The following MYH14 variants were observed in gnomAD, a reference collection of about 807,000 sequenced individuals.
MYH14 encodes myosin-14.
MYH14 carries 123 observed loss-of-function variants against 255.5 expected under a neutral mutation model. That is an observed-to-expected ratio of 0.48 (90% CI 0.42 to 0.56). The LOEUF is 0.56. MYH14 is among the 20% of genes least tolerant of loss of function. The pLI is 0.00. For synonymous variants in MYH14, 1,095 were observed against 1,161.2 expected (o/e 0.94, Z 1.16); for missense variants, 2,423 against 2,802.3 (o/e 0.86, Z 3.06).
At position 50,276,985 on chromosome 19, in the gene MYH14, G is replaced by A. The variant is rs2035535542; in HGVS notation, c.3825+84G>A. ...GGGTTGGAGGAGGTACCGCTGGCTGGTTCTAGGCTAGCTCATCTCCCTGGG... is the reference window on the plus strand; with the variant it reads ...GGGTTGGAGGAGGTACCGCTGGCTGATTCTAGGCTAGCTCATCTCCCTGGG... On this transcript the variant is annotated intron_variant, in intron 29 of 42. Transcript: ENST00000642316. This position sits in a 1 kb window ranked among gnomAD's most constrained non-coding sequence, Gnocchi z 4.3. 6.5e-6 allele frequency: 7 copies of A among 1,073,030 alleles called. No homozygotes were observed. In the African/African-American group the frequency reaches 1.1e-4, roughly 17 times the overall value. 66.5% of individuals were successfully genotyped at this position (1,073,030 alleles called of 1,614,324 possible). A position where few individuals can be genotyped will look rare whatever the true frequency, so the allele number is the denominator to read the frequency against.
chr19:50,215,758 G>A (rs941823761), intron 2 of MYH14, among the ~76,000 whole-genome samples: 12 of 152,166 alleles, frequency 7.9e-5, no homozygotes. Flanking sequence ...GGTAGAGGCT[G>A]CAGTGAGCTG....
rs1601043116 is a variant in MYH14 at position 50,293,059 on chromosome 19, G to T, written c.5257-174G>T. 6.6e-6 allele frequency among the ~76,000 whole-genome samples: 1 copy of T among 152,106 alleles called. No homozygotes were observed. Among genetic ancestry groups the T allele is most frequent in the South Asian group, 2.1e-4 (1 of 4,814 alleles). The stretch of plus-strand genomic sequence containing the variant: ...TGCAAGAGGTGAGCACAGGTCAGGG[G>T]CTCAGGAGACAGATTTAGGAGACAT... On this transcript the variant is annotated intron_variant, in intron 37 of 42. Transcript: ENST00000642316. This position sits in a 1 kb window ranked among gnomAD's most constrained non-coding sequence, Gnocchi z 4.1.
At position 50,230,491 on chromosome 19, in the gene MYH14, C is replaced by T. The variant is rs916520079; in HGVS notation, c.875-34C>T. On this transcript the variant is annotated intron_variant, in intron 8 of 42. Transcript: ENST00000642316. This position sits in a 1 kb window ranked among gnomAD's most constrained non-coding sequence, Gnocchi z 4.7. ...TGGCCTGGCAGCGTCGGGGCCGTCC[C>T]TTCCCCTCTAGCACCTTGACTCGCT... is the stretch of plus-strand genomic sequence containing the variant. 8.4e-6 allele frequency: 13 copies of T among 1,543,048 alleles called. No homozygotes were observed. The highest frequency in any genetic ancestry group is 1.4e-5 in the African/African-American group (1 of 72,998).
At position 50,260,808 on chromosome 19, in the gene MYH14, TGC is replaced by T. The variant is rs1190098066; in HGVS notation, c.2424+95_2424+96del. The T allele has an allele frequency of 1.1e-5, 10 of 900,850 alleles. No homozygotes were observed. The African/African-American group carries it at 2.0e-4, about 18-fold the overall frequency. The allele number at this position is 900,850 out of a possible 1,614,324, so 55.8% of individuals were successfully genotyped here. On this transcript the variant is annotated intron_variant, in intron 20 of 42. Transcript: ENST00000642316. ...GTGTGTGTGCATGCATATGTGTGCA[TGC>T]GTGTGTGTGCAAGTGTGTGTGCATG...
intron 16 of MYH14, 38 bp from the exon 17 acceptor site, chr19:50,255,182 C>T: frequency 7.3e-7 from 1 of 1,365,468 alleles, no homozygotes; most frequent in Non-Finnish European, 1.0e-6. Flanking sequence ...TCTGCCATCT[C>T]CCCTCCACCC....
At chr19:50,285,488 CT>C (rs1568539510) in intron 33 of MYH14, 1 of 152,138 alleles carries the variant, frequency 6.6e-6, no homozygotes, top group African/African-American at 2.4e-5. Context: ...GGTTTTATGG[CT>C]ATTTTAAGTG....
intron 10 of MYH14, among the ~76,000 whole-genome samples, chr19:50,241,532 G>A (rs779201991): frequency 2.0e-5 from 3 of 152,140 alleles, no homozygotes; most frequent in Non-Finnish European, 2.9e-5. Flanking sequence ...TGCTGTCAGG[G>A]GAGAGTGTTC....
chr19:50,286,096 C>T (rs940020672), intron 33 of MYH14: 1 of 162,338 alleles, frequency 6.2e-6, no homozygotes, highest in African/African-American at 2.4e-5. Context: ...TTTCTCTTAA[C>T]TATGAGTTCT....
chr19:50,308,746 G>T, intron 41 of MYH14: 1 of 452,670 alleles, frequency 2.2e-6, no homozygotes, highest in Non-Finnish European at 3.9e-6. Context: ...ATTGTGAGCA[G>T]GAGGGTCTGG....
intron 34 of MYH14, among the ~76,000 whole-genome samples, chr19:50,287,136 G>C (rs1044675225): frequency 3.9e-5 from 6 of 152,106 alleles, no homozygotes; most frequent in African/African-American, 1.4e-4. Context: ...GAGAACAAGA[G>C]GGGGACTGTT....
intron 9 of MYH14, 88 bp from the exon 10 acceptor site, chr19:50,231,842 C>G: frequency 6.4e-7 from 1 of 1,554,562 alleles, no homozygotes; most frequent in Non-Finnish European, 8.8e-7. Flanking sequence ...GAGGATATGG[C>G]ATGTCCTGGG....
At chr19:50,282,159 A>C (rs1413465269) in intron 33 of MYH14, among the ~76,000 whole-genome samples, 1 of 152,166 alleles carries the variant, frequency 6.6e-6, no homozygotes, top group Non-Finnish European at 1.5e-5. Context: ...CAAATAACTC[A>C]TCTCACTTCT....
chr19:50,300,610 G>A (rs2036447353), intron 39 of MYH14, among the ~76,000 whole-genome samples: 1 of 152,126 alleles, frequency 6.6e-6, no homozygotes, highest in Non-Finnish European at 1.5e-5. Flanking sequence ...TTAGCCAGTT[G>A]TGGTGGCAGG....
In MYH14 at chr19:50,223,070, C is replaced by G. The variant is rs2032916867; in HGVS notation, c.563-13C>G. ...CTCTCAGATGACATATTCCCCCACT[C>G]TGTCCCCTACAGATCGTGAGGACCA... On this transcript the variant is annotated splice_polypyrimidine_tract_variant and intron_variant, in intron 3 of 42. Transcript: ENST00000642316. The G allele has an allele frequency of 6.2e-7, 1 of 1,612,496 alleles. No homozygotes were observed. The highest frequency in any genetic ancestry group is 1.3e-5 in the African/African-American group (1 of 74,934).
At chr19:50,304,990 G>T (rs746378342) in intron 40 of MYH14, among the ~76,000 whole-genome samples, 1 of 152,088 alleles carries the variant, frequency 6.6e-6, no homozygotes, top group Non-Finnish European at 1.5e-5. Context: ...CCAGGAGAGG[G>T]ATCAGGGAGA....
intron 1 of MYH14, among the ~76,000 whole-genome samples, chr19:50,207,308 AGAGAG>A (rs2031854933): frequency 6.7e-6 from 1 of 149,960 alleles, no homozygotes; most frequent in Non-Finnish European, 1.5e-5. Context: ...AGAGAGAGAG[AGAGAG>A]ACTAGGGGCA....
chr19:50,296,770 G>T (rs765913971), intron 39 of MYH14, among the ~76,000 whole-genome samples: 11 of 152,240 alleles, frequency 7.2e-5, no homozygotes, highest in Admixed American at 6.5e-4. Flanking sequence ...AGAAGTCAAC[G>T]TGAAGAGCCT....
At chr19:50,306,053 C>T (rs760864285) in intron 40 of MYH14, among the ~76,000 whole-genome samples, 2 of 152,092 alleles carry the variant, frequency 1.3e-5, no homozygotes, top group Non-Finnish European at 2.9e-5. Flanking sequence ...CCGAGGCGGG[C>T]GGATCATCTG....
At chr19:50,270,597 T>C (rs866735220) in intron 24 of MYH14, among the ~76,000 whole-genome samples, 1 of 151,728 alleles carries the variant, frequency 6.6e-6, no homozygotes, top group African/African-American at 2.4e-5. Context: ...AAATTGAGTC[T>C]TGATTTCCAG....
Sources: allele counts gnomAD v4.1 joint callset (sites outside exome capture counted in the v4.1 genomes callset), GRCh38; gene constraint gnomAD v4.1.1; non-coding constraint Gnocchi (gnomAD v3.1); transcripts MANE v1.5; gene names NCBI Gene and HGNC (gene_info 2026-07-23, HGNC 2026-07-21).